Variants in GRID1 observed in about 807,000 individuals in gnomAD.
GRID1 encodes glutamate ionotropic receptor delta type subunit 1.
Under a neutral mutation model 98.0 loss-of-function variants are expected in GRID1, and 28 were observed. That is an observed-to-expected ratio of 0.29 (90% confidence interval 0.21 to 0.39). The LOEUF (loss-of-function observed/expected upper bound fraction) is 0.39, where lower values mean the gene tolerates loss of function less well. Among genes scored for constraint, GRID1 ranks in the 10% least tolerant of loss-of-function variants. The pLI is 1.00. For missense variants in GRID1, 1,111 were observed against 1,340.5 expected, an observed-to-expected ratio of 0.83 and a Z score of 2.67; for synonymous variants, 553 against 538.5, an observed-to-expected ratio of 1.03 and a Z score of -0.37.
intron 8 of GRID1, among the ~76,000 whole-genome samples, chr10:85,807,139 C>G (rs1842629735): frequency 6.6e-6 from 1 of 151,990 alleles, no homozygotes; most frequent in African/African-American, 2.4e-5. Context: ...CATCTGAGGT[C>G]AGGAGTTTGA....
At chr10:85,824,220 A>G (rs972348957) in intron 8 of GRID1, among the ~76,000 whole-genome samples, 1 of 152,124 alleles carries the variant, frequency 6.6e-6, no homozygotes. Flanking sequence ...TTTGAGATGG[A>G]GTCTTGCCTT....
chr10:85,842,962 CAA>C (rs34596984), intron 8 of GRID1, among the ~76,000 whole-genome samples: 2 of 151,460 alleles, frequency 1.3e-5, no homozygotes, highest in South Asian at 4.2e-4. Flanking sequence ...AAAAACAAAA[CAA>C]AAAAAACCCC....
At chr10:85,629,283 A>T (rs1842946703) in intron 13 of GRID1, among the ~76,000 whole-genome samples, 2 of 152,238 alleles carry the variant, frequency 1.3e-5, no homozygotes, top group Admixed American at 1.3e-4. Context: ...TGTTGCATGG[A>T]TGTATTGCAT....
intron 4 of GRID1, among the ~76,000 whole-genome samples, chr10:86,046,397 C>T (rs879620600): frequency 1.3e-5 from 2 of 152,192 alleles, no homozygotes; most frequent in Non-Finnish European, 2.9e-5. Flanking sequence ...ACCCTACCAC[C>T]AGCTCGCCCT....
intron 4 of GRID1, among the ~76,000 whole-genome samples, chr10:86,005,417 T>A (rs779312111): frequency 1.6e-4 from 25 of 151,996 alleles, no homozygotes; most frequent in Middle Eastern, 6.9e-3. Flanking sequence ...AGGAGAAAGA[T>A]CATGAGCAAG....
At chr10:86,038,975 C>T (rs191073672) in intron 4 of GRID1, among the ~76,000 whole-genome samples, 23 of 152,286 alleles carry the variant, frequency 1.5e-4, no homozygotes, top group Middle Eastern at 3.4e-3. Flanking sequence ...ACAAGCCCAG[C>T]CAATTTCGCT....
chr10:86,153,084 G>T (rs947188848), intron 3 of GRID1, among the ~76,000 whole-genome samples: 1 of 152,196 alleles, frequency 6.6e-6, no homozygotes, highest in South Asian at 2.1e-4. Flanking sequence ...CTTCTGCAGA[G>T]GAACCTCACT....
Position 86,121,576 on chromosome 10 carries a change from TCACCAC to T in GRID1, c.726+17237_726+17242del, listed in dbSNP as rs376041669. On this transcript the variant is annotated intron_variant, in intron 4 of 15. Coordinates refer to ENST00000327946, the MANE Select transcript of GRID1 (RefSeq NM_017551.3). Reference sequence around the variant, plus strand: ...CTCACCATCATTATCACCATCAACATCACCACCATCACCATCATCTCACCATCATTA... The same window carrying T: ...CTCACCATCATTATCACCATCAACATCATCACCATCATCTCACCATCATTA... Among the ~76,000 whole-genome samples, 950 of 145,506 alleles carry T rather than the reference TCACCAC, an allele frequency of 6.5e-3. 1 individual carries two copies. Among genetic ancestry groups the T allele is most frequent in the African/African-American group, 0.011 (434 of 38,218 alleles).
At chr10:86,335,876 G>GC (rs2132105955) in intron 2 of GRID1, among the ~76,000 whole-genome samples, 1 of 152,328 alleles carries the variant, frequency 6.6e-6, no homozygotes, top group East Asian at 1.9e-4. Context: ...TCTCCAACCT[G>GC]CCCCACAACT....
intron 5 of GRID1, among the ~76,000 whole-genome samples, chr10:85,885,635 A>C (rs1176294333): frequency 6.6e-6 from 1 of 152,244 alleles, no homozygotes; most frequent in Non-Finnish European, 1.5e-5. Context: ...CCTCACATCC[A>C]TTCAGGCCTC....
chr10:85,776,041 T>C (rs1842327826), intron 8 of GRID1, among the ~76,000 whole-genome samples: 1 of 151,946 alleles, frequency 6.6e-6, no homozygotes, highest in Non-Finnish European at 1.5e-5. Flanking sequence ...CAAAAAAGCA[T>C]TGGTGGTCTC....
At chr10:86,197,256 G>A (rs1845888262) in intron 3 of GRID1, among the ~76,000 whole-genome samples, 1 of 152,160 alleles carries the variant, frequency 6.6e-6, no homozygotes, top group South Asian at 2.1e-4. Flanking sequence ...GTCTGCACGT[G>A]CAGGAAGAGT....
chr10:86,311,026 G>A (rs1459905623), intron 2 of GRID1, among the ~76,000 whole-genome samples: 1 of 152,138 alleles, frequency 6.6e-6, no homozygotes, highest in Admixed American at 6.5e-5. Flanking sequence ...ATGGGCAGGA[G>A]GAAGAGGAGG....
At chr10:85,940,626 C>T (rs553625473) in intron 4 of GRID1, among the ~76,000 whole-genome samples, 1 of 152,320 alleles carries the variant, frequency 6.6e-6, no homozygotes, top group East Asian at 1.9e-4. Flanking sequence ...CCAACCAAAA[C>T]CCAGTTACTG....
chr10:85,721,254 A>G (rs1481167837), intron 12 of GRID1, among the ~76,000 whole-genome samples: 1 of 152,234 alleles, frequency 6.6e-6, no homozygotes, highest in Non-Finnish European at 1.5e-5. Context: ...AGAAATATAA[A>G]ATGATACAGA....
At chr10:86,114,787 T>A (rs1340611475) in intron 4 of GRID1, among the ~76,000 whole-genome samples, 1 of 152,184 alleles carries the variant, frequency 6.6e-6, no homozygotes, top group Non-Finnish European at 1.5e-5. Flanking sequence ...AACCAGAGCA[T>A]TGGCAGGCTC....
At chr10:86,227,380 G>C (rs10788485) in intron 2 of GRID1, among the ~76,000 whole-genome samples, 23,083 of 152,122 alleles carry the variant, frequency 0.15, 2,223 homozygotes, top group East Asian at 0.45. Flanking sequence ...TCATAGTAGT[G>C]GGGGGCTGCA....
chr10:86,101,659 G>A (rs189515071), intron 4 of GRID1, among the ~76,000 whole-genome samples: 3 of 143,784 alleles, frequency 2.1e-5, no homozygotes, highest in African/African-American at 7.9e-5. Flanking sequence ...TTGAGACAGA[G>A]TCTCACTCTG....
At chr10:85,937,199 G>C (rs534175014) in intron 4 of GRID1, among the ~76,000 whole-genome samples, 1 of 152,306 alleles carries the variant, frequency 6.6e-6, no homozygotes, top group Non-Finnish European at 1.5e-5. Context: ...GGTGTGGCCT[G>C]GACAAGCATT....
Sources: gnomAD v4.1 joint callset for allele counts (sites outside exome capture counted in the v4.1 genomes callset) on GRCh38, gnomAD v4.1.1 for gene constraint, MANE v1.5 for transcripts, NCBI Gene and HGNC (gene_info 2026-07-23, HGNC 2026-07-21) for gene names.